The following PCED1B variants were observed in gnomAD, a reference collection of about 807,000 sequenced individuals.
PCED1B encodes PC-esterase domain containing 1B, also known as PC-esterase domain-containing protein 1B.
For synonymous variants in PCED1B, 251 were observed against 246.1 expected (o/e 1.02, Z -0.19); for missense variants, 573 against 573.9 (o/e 1.00, Z 0.02).
chr12:47,162,877 C>A (rs1223569378), intron 2 of PCED1B, among the ~76,000 whole-genome samples: 1 of 152,198 alleles, frequency 6.6e-6, no homozygotes, highest in Non-Finnish European at 1.5e-5. Flanking sequence ...TTACACCCAG[C>A]TTTGTTTTTT....
intron 2 of PCED1B, among the ~76,000 whole-genome samples, chr12:47,130,881 T>C (rs562741892): frequency 6.6e-6 from 1 of 152,334 alleles, no homozygotes; most frequent in East Asian, 1.9e-4. Context: ...ATACAGATTA[T>C]TATTCTCACA....
At position 47,235,093 on chromosome 12, in the gene PCED1B, GCAGCTGCTTCA is replaced by G; in HGVS notation, c.33_43del (p.Leu12Ter). On this transcript the variant is annotated frameshift_variant, in exon 4 of 4. Coordinates refer to ENST00000546455, the MANE Select transcript of PCED1B (RefSeq NM_138371.3). LOFTEE classifies it low-confidence loss of function (END_TRUNC). ...TCCTTCTGCGGGCCTCCGAAGTGCGGCAGCTGCTTCACAATAAGTTCGTGGTCATCCTGGGG... is the reference window on the plus strand; with the variant it reads ...TCCTTCTGCGGGCCTCCGAAGTGCGGCAATAAGTTCGTGGTCATCCTGGGG... 6.5e-7 allele frequency: 1 copy of G among 1,529,252 alleles called. No individual in the cohort carries two copies. The allele number at this position is 1,529,252 out of a possible 1,614,324, so 94.7% of individuals were successfully genotyped here. A position where few individuals can be genotyped will look rare whatever the true frequency, so the allele number is the denominator to read the frequency against.
intron 2 of PCED1B, among the ~76,000 whole-genome samples, chr12:47,174,784 C>A (rs1270319968): frequency 6.6e-6 from 1 of 152,102 alleles, no homozygotes; most frequent in East Asian, 1.9e-4. Flanking sequence ...GTGCATAACT[C>A]CTGGGGTCAG....
chr12:47,222,400 C>T (rs1201858880), intron 3 of PCED1B, among the ~76,000 whole-genome samples: 2 of 91,102 alleles, frequency 2.2e-5, no homozygotes, highest in Non-Finnish European at 4.0e-5. Flanking sequence ...CCAGCCTGGG[C>T]AACAAGAGCA....
intron 2 of PCED1B, among the ~76,000 whole-genome samples, chr12:47,132,058 G>A (rs1402038391): frequency 1.3e-5 from 2 of 152,160 alleles, no homozygotes; most frequent in Non-Finnish European, 2.9e-5. Flanking sequence ...TGAACTTTGC[G>A]TGGAAAGTCA....
At chr12:47,172,981 G>GA (rs147230358) in intron 2 of PCED1B, among the ~76,000 whole-genome samples, 1,573 of 152,228 alleles carry the variant, frequency 0.01, 24 homozygotes, top group African/African-American at 0.036. Context: ...ACAAGTTGTT[G>GA]AAAAAGGCAA....
At chr12:47,215,405 C>G (rs1438315512) in intron 2 of PCED1B, among the ~76,000 whole-genome samples, 2 of 151,992 alleles carry the variant, frequency 1.3e-5, no homozygotes, top group Non-Finnish European at 2.9e-5. Flanking sequence ...AGGGGCCCAC[C>G]ACCACGCCCA....
chr12:47,091,849 A>G (rs1938279195), intron 1 of PCED1B, among the ~76,000 whole-genome samples: 1 of 152,108 alleles, frequency 6.6e-6, no homozygotes, highest in African/African-American at 2.4e-5. Context: ...TCATGCCACC[A>G]TATATGTGCA....
At chr12:47,147,428 T>C (rs998443872) in intron 2 of PCED1B, among the ~76,000 whole-genome samples, 8 of 152,212 alleles carry the variant, frequency 5.3e-5, no homozygotes, top group African/African-American at 1.7e-4. Flanking sequence ...TCCAATTCCT[T>C]GTTCCTCAAT....
intron 2 of PCED1B, among the ~76,000 whole-genome samples, chr12:47,175,839 T>G (rs941735871): frequency 1.3e-5 from 2 of 152,076 alleles, no homozygotes; most frequent in African/African-American, 4.8e-5. Context: ...CCCAAAGTCC[T>G]GGGTTTACAG....
At chr12:47,140,096 A>G (rs1242435672) in intron 2 of PCED1B, among the ~76,000 whole-genome samples, 1 of 152,160 alleles carries the variant, frequency 6.6e-6, no homozygotes, top group Non-Finnish European at 1.5e-5. Context: ...TTCCTTCTGA[A>G]CAAGCTTCTC....
chr12:47,183,910 GC>G lies in PCED1B; in HGVS notation c.-525-32311del, dbSNP rs375050652. ...GGGCCCCCGCACCAGTTGGTGCTATGCTAGGCAGTGGGGATACTGCATGAAC... is the reference window on the plus strand; with the variant it reads ...GGGCCCCCGCACCAGTTGGTGCTATGTAGGCAGTGGGGATACTGCATGAAC... On this transcript the variant is annotated intron_variant, in intron 2 of 3. Transcript: ENST00000546455. Among the ~76,000 whole-genome samples the G allele has an allele frequency of 4.3e-4, 66 of 152,350 alleles. 1 individual carries two copies. In the East Asian group the frequency reaches 0.01, roughly 24 times the overall value.
Position 47,089,461 on chromosome 12 carries a change from C to CATATATATATATAT in PCED1B, c.-609+9755_-609+9768dup, listed in dbSNP as rs1217283440. ...GACTCCATCTCAAAAAAAAAAAATA[C>CATATATATATATAT]ATATATATATATATATATATATATA... is the stretch of plus-strand genomic sequence containing the variant. On this transcript the variant is annotated intron_variant, in intron 1 of 3. Transcript: ENST00000546455. Among the ~76,000 whole-genome samples the CATATATATATATAT allele has an allele frequency of 7.0e-3, 443 of 63,224 alleles. 6 individuals are homozygous for CATATATATATATAT. The highest frequency in any genetic ancestry group is 0.012 in the Middle Eastern group (1 of 86). The allele number at this position is 63,224 out of a possible 152,430, so 41.5% of individuals were successfully genotyped here.
intron 2 of PCED1B, among the ~76,000 whole-genome samples, chr12:47,170,922 TATC>T (rs1178247414): frequency 2.0e-5 from 3 of 152,172 alleles, no homozygotes; most frequent in Non-Finnish European, 4.4e-5. Context: ...TATCTTCCCT[TATC>T]ATCACACACA....
At chr12:47,100,847 C>T (rs947328397) in intron 1 of PCED1B, among the ~76,000 whole-genome samples, 2 of 152,106 alleles carry the variant, frequency 1.3e-5, no homozygotes, top group African/African-American at 4.8e-5. Context: ...GGGGGCAGAT[C>T]ATCTGAGATC....
At position 47,235,988 on chromosome 12, in the gene PCED1B, C is replaced by A. The variant is rs775219066; in HGVS notation, c.925C>A (p.Arg309Ser). 12 of 1,612,332 alleles carry A rather than the reference C, an allele frequency of 7.4e-6. No individual in the cohort carries two copies. In the East Asian group the frequency reaches 2.7e-4, roughly 36 times the overall value. Reference protein sequence around the residue: ...YRPLLGFPPQRLPLLPLLSPQ... With the variant: ...YRPLLGFPPQSLPLLPLLSPQ... ...CCCCCTGCTTGGGTTCCCACCCCAG[C>A]GCTTGCCGCTGCTCCCGCTCCTGTC... Residue 309 changes from arginine (R) to serine (S), a missense_variant, in exon 4 of 4, where the codon CGC becomes AGC. Transcript: ENST00000546455.
intron 1 of PCED1B, among the ~76,000 whole-genome samples, chr12:47,095,485 T>C (rs904772783): frequency 1.3e-5 from 2 of 152,202 alleles, no homozygotes; most frequent in Non-Finnish European, 2.9e-5. Flanking sequence ...CCATTATCTC[T>C]TTGAATATTG....
At chr12:47,179,373 C>A (rs1313940290) in intron 2 of PCED1B, among the ~76,000 whole-genome samples, 3 of 152,202 alleles carry the variant, frequency 2.0e-5, no homozygotes, top group African/African-American at 7.2e-5. Flanking sequence ...TAAAGCTTTT[C>A]TATCAAATGC....
At chr12:47,105,420 T>C (rs1007597078) in intron 2 of PCED1B, among the ~76,000 whole-genome samples, 10 of 152,142 alleles carry the variant, frequency 6.6e-5, no homozygotes, top group Non-Finnish European at 5.9e-5. Flanking sequence ...TATTGGACTT[T>C]ATTCTGCATA....
Sources: allele counts gnomAD v4.1 joint callset (sites outside exome capture counted in the v4.1 genomes callset), GRCh38; gene constraint gnomAD v4.1.1; transcripts MANE v1.5; gene names NCBI Gene and HGNC (gene_info 2026-07-23, HGNC 2026-07-21).